The following OR52N4 variants were observed in gnomAD, a reference collection of about 807,000 sequenced individuals.
OR52N4 encodes the protein olfactory receptor family 52 subfamily N member 4.
In OR52N4, 15 loss-of-function variants were observed where a neutral mutation model predicts 15.0. The observed-to-expected ratio is 1.00, with a 90% CI of 0.67 to 1.54. The LOEUF is 1.54. OR52N4 is among the 40% of genes most tolerant of loss of function. The probability of loss-of-function intolerance (pLI) is 0.00; values close to 1 mark genes in which losing one functional copy is unlikely to be tolerated. For missense variants in OR52N4, 421 were observed against 394.0 expected (o/e 1.07, Z -0.58); for synonymous variants, 143 against 143.7 (o/e 1.00, Z 0.03).
the OR52N4 span, among the ~76,000 whole-genome samples, chr11:5,728,481 A>G: frequency 1.3e-5 from 2 of 152,222 alleles, no homozygotes; most frequent in Admixed American, 6.5e-5. Context: ...CTCACCAAAT[A>G]GCTTCAGACA....
the OR52N4 span, among the ~76,000 whole-genome samples, chr11:5,732,315 C>T: frequency 6.6e-6 from 1 of 152,134 alleles, no homozygotes; most frequent in African/African-American, 2.4e-5. Context: ...CTTGTTTGTA[C>T]AAACTTCTTT....
Position 5,755,861 on chromosome 11 carries a change from C to A in OR52N4, c.*155C>A. On this transcript the variant is annotated 3_prime_UTR_variant, in exon 2 of 2. Transcript: ENST00000641350. Reference sequence around the variant, plus strand: ...TCAATAAGTACCTTGGGAATCTCAACATCATTGGAAGGCCCACCAACATTT... The same window carrying A: ...TCAATAAGTACCTTGGGAATCTCAAAATCATTGGAAGGCCCACCAACATTT... 1.1e-6 allele frequency: 1 copy of A among 885,800 alleles called. No homozygotes were observed. The highest frequency in any genetic ancestry group is 1.7e-6 in the Non-Finnish European group (1 of 601,964). 54.9% of individuals were successfully genotyped at this position (885,800 alleles called of 1,614,324 possible). A position where few individuals can be genotyped will look rare whatever the true frequency, so the allele number is the denominator to read the frequency against.
upstream of OR52N4, among the ~76,000 whole-genome samples, chr11:5,750,417 G>A (rs926986348): frequency 4.0e-5 from 6 of 151,886 alleles, no homozygotes; most frequent in Non-Finnish European, 8.8e-5. Flanking sequence ...AGCTGCAAAA[G>A]TGCATCCTGA....
chr11:5,729,666 A>G, the OR52N4 span, among the ~76,000 whole-genome samples: 1 of 152,112 alleles, frequency 6.6e-6, no homozygotes, highest in Non-Finnish European at 1.5e-5. Flanking sequence ...GTGAATCTCA[A>G]TGCTAGATGT....
the OR52N4 span, among the ~76,000 whole-genome samples, chr11:5,729,702 CAAT>C: frequency 2.6e-5 from 4 of 152,198 alleles, no homozygotes; most frequent in African/African-American, 7.2e-5. Flanking sequence ...TTATGATTTA[CAAT>C]AATAAGTTTA....
chr11:5,753,140 C>T (rs1412085707), upstream of OR52N4, among the ~76,000 whole-genome samples: 3 of 151,980 alleles, frequency 2.0e-5, no homozygotes, highest in Non-Finnish European at 4.4e-5. Flanking sequence ...AATATATATA[C>T]ATAGTTTTGT....
chr11:5,728,622 T>G, the OR52N4 span, among the ~76,000 whole-genome samples: 1 of 152,182 alleles, frequency 6.6e-6, no homozygotes, highest in African/African-American at 2.4e-5. Context: ...AAAACTCCCT[T>G]GTGGAAGTTC....
At chr11:5,734,586 G>C in the OR52N4 span, among the ~76,000 whole-genome samples, 62 of 152,154 alleles carry the variant, frequency 4.1e-4, no homozygotes, top group Admixed American at 7.2e-4. Context: ...TTTTCTGTGA[G>C]CTCAAACATA....
At chr11:5,740,903 C>T in the OR52N4 span, among the ~76,000 whole-genome samples, 15 of 127,372 alleles carry the variant, frequency 1.2e-4, 3 homozygotes, top group South Asian at 4.1e-3. Flanking sequence ...CTTAACAAGA[C>T]AGAACTATTA....
chr11:5,731,279 T>C, the OR52N4 span, among the ~76,000 whole-genome samples: 205 of 152,330 alleles, frequency 1.3e-3, no homozygotes, highest in Middle Eastern at 3.4e-3. Context: ...GTCGGATAAG[T>C]TCCTACATCT....
chr11:5,739,704 G>A, the OR52N4 span, among the ~76,000 whole-genome samples: 3 of 127,848 alleles, frequency 2.3e-5, no homozygotes, highest in Non-Finnish European at 3.5e-5. Context: ...CCTTTCACAC[G>A]TCCCTTCAAG....
At position 5,755,510 on chromosome 11, in the gene OR52N4, CT is replaced by C. The variant is rs763927200; in HGVS notation, c.773del (p.Phe258SerfsTer13). The stretch of plus-strand genomic sequence containing the variant: ...GCCATTGTTTTCTCCTATACTCCAG[CT>C]TTCTTCTCCTTCTTTTCCCACCGCT... Reference protein sequence around the residue: ...ICAIVFSYTPAFFSFFSHRFG... With the variant: ...ICAIVFSYTPXFFSFFSHRFG... On this transcript the variant is annotated frameshift_variant, in exon 2 of 2. Transcript: ENST00000641350. LOFTEE classifies it high-confidence loss of function. 7.4e-6 allele frequency: 12 copies of C among 1,613,904 alleles called. No individual in the cohort carries two copies. In the South Asian group the frequency reaches 1.2e-4, roughly 16 times the overall value.
chr11:5,746,452 G>T, the OR52N4 span, among the ~76,000 whole-genome samples: 1 of 152,004 alleles, frequency 6.6e-6, no homozygotes. Flanking sequence ...AACTCAACAA[G>T]AACACAAATA....
the OR52N4 span, among the ~76,000 whole-genome samples, chr11:5,743,797 A>C: frequency 1.3e-5 from 2 of 152,170 alleles, no homozygotes; most frequent in Non-Finnish European, 2.9e-5. Context: ...TTTTAATTTA[A>C]AACTCTAACA....
At chr11:5,748,043 G>C in the OR52N4 span, among the ~76,000 whole-genome samples, 1 of 147,868 alleles carries the variant, frequency 6.8e-6, no homozygotes, top group Non-Finnish European at 1.5e-5. Flanking sequence ...TCTTTTGAAA[G>C]GATCTACATA....
At chr11:5,746,744 CAAAT>C in the OR52N4 span, among the ~76,000 whole-genome samples, 1 of 151,970 alleles carries the variant, frequency 6.6e-6, no homozygotes, top group Non-Finnish European at 1.5e-5. Flanking sequence ...GGAGATTTTT[CAAAT>C]AAATAAAATT....
the OR52N4 span, among the ~76,000 whole-genome samples, chr11:5,741,506 G>A: frequency 6.6e-6 from 1 of 152,138 alleles, no homozygotes; most frequent in African/African-American, 2.4e-5. Flanking sequence ...AAGCAGCTGG[G>A]GATGCTGAAA....
At chr11:5,736,636 G>T in the OR52N4 span, 2 of 1,613,988 alleles carry the variant, frequency 1.2e-6, no homozygotes, top group Non-Finnish European at 1.7e-6. Flanking sequence ...CTCTGCCCCT[G>T]GCACTACTGT....
At position 5,754,814 on chromosome 11, in the gene OR52N4, C is replaced by T. The variant is rs199870684; in HGVS notation, c.74C>T (p.Thr25Ile). The change falls in exon 2 of 2, where the codon ACA becomes ATA. Residue 25 changes from threonine (T) to isoleucine (I), a missense_variant. Physicochemically the swap from Thr to Ile is moderately conservative, Grantham distance 89. Coordinates refer to ENST00000641350, the MANE Select transcript of OR52N4 (RefSeq NM_001005175.5). ...AATGGAGTCCCAGGACTGGAAGACA[C>T]ACAACTCTGGATTTCCTTCCCATTC... ...ILNGVPGLED[T>I]QLWISFPFCS... 1.4e-5 allele frequency: 22 copies of T among 1,613,598 alleles called. No individual in the cohort carries two copies. Among genetic ancestry groups the T allele is most frequent in the African/African-American group, 1.2e-4 (9 of 74,900 alleles).
Sources: allele counts gnomAD v4.1 joint callset (sites outside exome capture counted in the v4.1 genomes callset), GRCh38; gene constraint gnomAD v4.1.1; transcripts MANE v1.5; gene names NCBI Gene and HGNC (gene_info 2026-07-23, HGNC 2026-07-21).